CHMP4C: variants seen among roughly 807,000 people sequenced by gnomAD.
CHMP4C encodes charged multivesicular body protein 4C.
In CHMP4C, 28 loss-of-function variants were observed where a neutral mutation model predicts 29.0. That is an observed-to-expected ratio of 0.97 (90% CI 0.72 to 1.32). The LOEUF (loss-of-function observed/expected upper bound fraction) is 1.32, where lower values mean the gene tolerates loss of function less well. Ranked by LOEUF, CHMP4C falls within the 40% of genes most tolerant of loss-of-function variation. CHMP4C has a pLI of 0.00. For missense variants in CHMP4C, 291 were observed against 281.0 expected, an observed-to-expected ratio of 1.04 and a Z score of -0.25; for synonymous variants, 106 against 102.4, an observed-to-expected ratio of 1.04 and a Z score of -0.21.
chr8:81,756,119 G>A (rs559393901), intron 3 of CHMP4C, among the ~76,000 whole-genome samples: 2 of 152,206 alleles, frequency 1.3e-5, no homozygotes, highest in South Asian at 4.2e-4. Context: ...GCATCTATGT[G>A]ATATTAAAAA....
chr8:81,732,827 GT>G lies in CHMP4C; in HGVS notation c.190+12del. On this transcript the variant is annotated intron_variant, in intron 1 of 4. Coordinates refer to ENST00000297265, the MANE Select transcript of CHMP4C (RefSeq NM_152284.4). ...CGCAGAATAAGCGAGGTAGGCTGGGGTCTGGCCCACAGGCGGGAGCCCATCT... is the reference window on the plus strand; with the variant it reads ...CGCAGAATAAGCGAGGTAGGCTGGGGCTGGCCCACAGGCGGGAGCCCATCT... 1 of 1,609,270 alleles carries G rather than the reference GT, an allele frequency of 6.2e-7. No individual in the cohort carries two copies. Among genetic ancestry groups the G allele is most frequent in the Non-Finnish European group, 8.5e-7 (1 of 1,177,850 alleles).
At chr8:81,758,119 T>G (rs745875361) in intron 3 of CHMP4C, 23 bp from the exon 4 acceptor site, 4 of 1,611,516 alleles carry the variant, frequency 2.5e-6, no homozygotes, top group Non-Finnish European at 3.4e-6. Context: ...AACTCCATAA[T>G]TCTTCCTTTC....
rs1808699977 is a variant in CHMP4C at position 81,736,978 on chromosome 8, T to C, written c.190+4162T>C. On this transcript the variant is annotated intron_variant, in intron 1 of 4. Coordinates refer to ENST00000297265, the MANE Select transcript of CHMP4C (RefSeq NM_152284.4). ...AAGAATTTGAGTAAACATGAACAAA[T>C]TGATTTTGCAACAGTTGCTATCCAA... Among the ~76,000 whole-genome samples the C allele has an allele frequency of 2.0e-5, 3 of 152,316 alleles. No homozygotes were observed. In the South Asian group the frequency reaches 6.2e-4, roughly 32 times the overall value.
chr8:81,758,601 G>A lies in CHMP4C; in HGVS notation c.*57G>A, dbSNP rs1490131630. ...GAGCTATAGATAAAATATAAAAAAT[G>A]TTTTTACCAAGTTCAGAAGTTAACA... is the stretch of plus-strand genomic sequence containing the variant. On this transcript the variant is annotated 3_prime_UTR_variant, in exon 5 of 5. Coordinates refer to ENST00000297265, the MANE Select transcript of CHMP4C (RefSeq NM_152284.4). 6.0e-6 allele frequency: 7 copies of A among 1,176,350 alleles called. No individual in the cohort carries two copies. Among genetic ancestry groups the A allele is most frequent in the Admixed American group, 5.4e-5 (3 of 55,130 alleles). 72.9% of individuals were successfully genotyped at this position (1,176,350 alleles called of 1,614,324 possible).
chr8:81,733,177 A>T (rs1174155084), intron 1 of CHMP4C, among the ~76,000 whole-genome samples: 7 of 152,194 alleles, frequency 4.6e-5, no homozygotes, highest in Non-Finnish European at 1.0e-4. Flanking sequence ...TTATGTTGTT[A>T]TGTGCAGCAC....
At chr8:81,746,952 C>G (rs1808832394) in intron 1 of CHMP4C, among the ~76,000 whole-genome samples, 1 of 152,170 alleles carries the variant, frequency 6.6e-6, no homozygotes, top group Non-Finnish European at 1.5e-5. Context: ...TTTATGAATG[C>G]TATTTCATTT....
rs1563616661 is a variant in CHMP4C, at chr8:81,732,741, AAAC to A, written c.118_120del (p.Gln40del). 1 of 1,609,000 alleles carries A rather than the reference AAAC, an allele frequency of 6.2e-7. No homozygotes were observed. Among genetic ancestry groups the A allele is most frequent in the Admixed American group, 1.7e-5 (1 of 59,224 alleles). ...GGAGACTGAGGAGATGCTGGGCAAGAAACAAGAGTACCTGGAAAATCGAATCCA... is the reference window on the plus strand; with the variant it reads ...GGAGACTGAGGAGATGCTGGGCAAGAAAGAGTACCTGGAAAATCGAATCCA... On this transcript the variant is annotated inframe_deletion, in exon 1 of 5. Transcript: ENST00000297265.
chr8:81,736,035 G>A (rs935252202), intron 1 of CHMP4C, among the ~76,000 whole-genome samples: 2 of 151,590 alleles, frequency 1.3e-5, no homozygotes, highest in African/African-American at 4.9e-5. Flanking sequence ...GCAGTGAGCA[G>A]AGATCGCGCC....
intron 1 of CHMP4C, among the ~76,000 whole-genome samples, chr8:81,736,564 G>A (rs1808693765): frequency 6.6e-6 from 1 of 152,158 alleles, no homozygotes; most frequent in Admixed American, 6.6e-5. Flanking sequence ...TCTACTAGGT[G>A]TGTAATTAAC....
At chr8:81,757,284 G>A (rs536108230) in intron 3 of CHMP4C, among the ~76,000 whole-genome samples, 6 of 152,190 alleles carry the variant, frequency 3.9e-5, no homozygotes, top group African/African-American at 9.6e-5. Context: ...TCTCTCATTC[G>A]TTATTCATCC....
chr8:81,734,405 A>G (rs1000382483), intron 1 of CHMP4C, among the ~76,000 whole-genome samples: 7 of 152,164 alleles, frequency 4.6e-5, no homozygotes, highest in African/African-American at 1.7e-4. Flanking sequence ...ATCTTGGCTC[A>G]CCGCAACCTC....
chr8:81,745,868 T>A (rs1808817417), intron 1 of CHMP4C, among the ~76,000 whole-genome samples: 1 of 151,994 alleles, frequency 6.6e-6, no homozygotes, highest in African/African-American at 2.4e-5. Context: ...CATACAGGAG[T>A]TTGGAAGATT....
chr8:81,740,420 T>C (rs1808749097), intron 1 of CHMP4C, among the ~76,000 whole-genome samples: 1 of 152,214 alleles, frequency 6.6e-6, no homozygotes, highest in Admixed American at 6.5e-5. Flanking sequence ...GAGAATGTAA[T>C]GCTGCTGGTG....
intron 1 of CHMP4C, among the ~76,000 whole-genome samples, chr8:81,734,898 G>GT (rs397941142): frequency 0.061 from 8,820 of 144,910 alleles, 249 homozygotes; most frequent in South Asian, 0.092. Context: ...TGGCAAATAA[G>GT]TTTTTTTTTT....
chr8:81,732,622 C>T lies in CHMP4C; in HGVS notation c.-5C>T. ...GGGATCGCTGGCCCTCCGAACTCCA[C>T]AGCAATGAGCAAGTTGGGCAAGTTC... On this transcript the variant is annotated 5_prime_UTR_variant, in exon 1 of 5. Transcript: ENST00000297265. 1.3e-6 allele frequency: 2 copies of T among 1,544,372 alleles called. No individual in the cohort carries two copies. The highest frequency in any genetic ancestry group is 2.4e-5 in the South Asian group (2 of 83,502).
chr8:81,735,297 A>T (rs759293925), intron 1 of CHMP4C, among the ~76,000 whole-genome samples: 2 of 152,184 alleles, frequency 1.3e-5, no homozygotes, highest in Non-Finnish European at 2.9e-5. Context: ...GAGTAAGAAG[A>T]GGCTGGTTAG....
At chr8:81,747,857 T>TTC (rs1382049105) in intron 1 of CHMP4C, among the ~76,000 whole-genome samples, 2 of 152,064 alleles carry the variant, frequency 1.3e-5, no homozygotes, top group Non-Finnish European at 2.9e-5. Context: ...CTAATGAAGT[T>TTC]TCGGGCACCA....
At chr8:81,740,131 C>T (rs1808744665) in intron 1 of CHMP4C, among the ~76,000 whole-genome samples, 1 of 152,208 alleles carries the variant, frequency 6.6e-6, no homozygotes. Flanking sequence ...TAAGACAGAA[C>T]CAAGGACAGA....
chr8:81,744,306 G>A (rs765429487), intron 1 of CHMP4C, among the ~76,000 whole-genome samples: 11 of 152,172 alleles, frequency 7.2e-5, no homozygotes, highest in Non-Finnish European at 1.6e-4. Context: ...CTTTTCAGTG[G>A]TATGAGATTT....
Sources: gnomAD v4.1 joint callset for allele counts (sites outside exome capture counted in the v4.1 genomes callset) on GRCh38, gnomAD v4.1.1 for gene constraint, MANE v1.5 for transcripts, NCBI Gene and HGNC (gene_info 2026-07-23, HGNC 2026-07-21) for gene names.